ARHGAP21: variants seen among roughly 807,000 people sequenced by gnomAD.
ARHGAP21 encodes Rho GTPase activating protein 21.
ARHGAP21 carries 38 observed loss-of-function variants against 164.6 expected under a neutral mutation model. The observed-to-expected ratio is 0.23, with a 90% CI of 0.18 to 0.30. The LOEUF (loss-of-function observed/expected upper bound fraction) is 0.30, where lower values mean the gene tolerates loss of function less well. Ranked by LOEUF, ARHGAP21 falls within the 10% of genes least tolerant of loss-of-function variation. The pLI is 1.00. For synonymous variants in ARHGAP21, 766 were observed against 857.9 expected (o/e 0.89, Z 1.87); for missense variants, 1,822 against 2,370.7 (o/e 0.77, Z 4.81).
intron 7 of ARHGAP21, among the ~76,000 whole-genome samples, chr10:24,628,854 T>TATATACACATATATACATAC (rs1835435144): frequency 7.5e-6 from 1 of 133,588 alleles, no homozygotes; most frequent in African/African-American, 2.8e-5. Flanking sequence ...CACATACATA[T>TATATACACATATATACATAC]ATATACACAT....
Position 24,589,253 on chromosome 10 carries a change from T to C in ARHGAP21, c.4182+18A>G. On this transcript the variant is annotated intron_variant, in intron 25 of 25. Coordinates refer to ENST00000396432, the MANE Select transcript of ARHGAP21 (RefSeq NM_020824.4). ...CAATTCCCCCCTAAAATATTTCAAA[T>C]TGTATGAAACAATTTACCTTAGATT... is the stretch of plus-strand genomic sequence containing the variant. The C allele has an allele frequency of 6.3e-7, 1 of 1,594,962 alleles. No homozygotes were observed. Among genetic ancestry groups the C allele is most frequent in the Non-Finnish European group, 8.6e-7 (1 of 1,165,072 alleles).
intron 4 of ARHGAP21, among the ~76,000 whole-genome samples, chr10:24,659,010 G>T (rs1420202000): frequency 6.6e-6 from 1 of 152,162 alleles, no homozygotes; most frequent in African/African-American, 2.4e-5. Context: ...CCACTGGGTT[G>T]GCTATAATAC....
intron 3 of ARHGAP21, among the ~76,000 whole-genome samples, chr10:24,668,877 A>C (rs199567242): frequency 3.3e-5 from 5 of 152,182 alleles, no homozygotes; most frequent in Admixed American, 1.3e-4. Flanking sequence ...TGTACTACCT[A>C]TATGTTCATC....
intron 4 of ARHGAP21, among the ~76,000 whole-genome samples, chr10:24,638,457 C>T (rs1422107216): frequency 6.6e-6 from 1 of 152,208 alleles, no homozygotes; most frequent in Non-Finnish European, 1.5e-5. Context: ...CATTCACAAG[C>T]TCTCTCAGGT....
chr10:24,653,527 C>T (rs1040116397), intron 4 of ARHGAP21, among the ~76,000 whole-genome samples: 18 of 151,644 alleles, frequency 1.2e-4, no homozygotes, highest in Non-Finnish European at 1.6e-4. Context: ...GAGCTGAGAT[C>T]GCGCCACTGT....
At chr10:24,627,710 A>C (rs1377256820) in intron 7 of ARHGAP21, among the ~76,000 whole-genome samples, 1 of 152,208 alleles carries the variant, frequency 6.6e-6, no homozygotes. Context: ...AACAAGACAG[A>C]CTATTCTAGA....
rs753057145 is a variant in ARHGAP21, at chr10:24,721,873, C to T, written c.27G>A (p.Leu9=). 11 of 1,614,252 alleles carry T rather than the reference C, an allele frequency of 6.8e-6. No homozygotes were observed. In the South Asian group the frequency reaches 7.7e-5, roughly 11 times the overall value. Residue 9 remains leucine, a synonymous_variant, in exon 2 of 26, where the codon CTG becomes CTA. Coordinates refer to ENST00000396432, the MANE Select transcript of ARHGAP21 (RefSeq NM_020824.4). MMATRRTG[L]SEGDGDKLKA... ...TGAGCTTGTCACCATCTCCCTCAGA[C>T]AGACCAGTCCGACGCGTGGCCATCA... is the stretch of plus-strand genomic sequence containing the variant.
chr10:24,591,488 C>T (rs1389428701), intron 23 of ARHGAP21, 154 bp downstream of exon 23: 2 of 1,132,524 alleles, frequency 1.8e-6, no homozygotes, highest in Non-Finnish European at 2.6e-6. Context: ...AAGCACCGTA[C>T]TTGTATATTC....
Position 24,606,108 on chromosome 10 carries a change from C to CA in ARHGAP21, c.2684+1390dup, listed in dbSNP as rs530477313. On this transcript the variant is annotated intron_variant, in intron 11 of 25. Coordinates refer to ENST00000396432, the MANE Select transcript of ARHGAP21 (RefSeq NM_020824.4). ...TTAATTCCAGATGAGTCAAAGTTTA[C>CA]AAAAAAATAAAAAGTAAACATAAAT... Among the ~76,000 whole-genome samples the CA allele has an allele frequency of 8.3e-4, 126 of 151,192 alleles. 1 individual carries two copies. The highest frequency in any genetic ancestry group is 2.3e-3 in the African/African-American group (95 of 41,112).
At position 24,584,494 on chromosome 10, in the gene ARHGAP21, T is replaced by G. The variant is rs763931278; in HGVS notation, c.5795A>C (p.Asn1932Thr). The change falls in exon 26 of 26, where the codon AAT becomes ACT. Residue 1932 changes from asparagine (N) to threonine (T), a missense_variant. Physicochemically the swap from Asn to Thr is moderately conservative, Grantham distance 65 (BLOSUM62 0). Coordinates refer to ENST00000396432, the MANE Select transcript of ARHGAP21 (RefSeq NM_020824.4). ...NGESFQNVSK[N>T]ASSAANAQPH... is the part of the protein sequence containing the mutation. ...TTGGGCATTCGCTGCAGAACTAGCA[T>G]TTTTGCTCACGTTCTGGAAGCTTTC... 7 of 1,613,932 alleles carry G rather than the reference T, an allele frequency of 4.3e-6. No homozygotes were observed. In the South Asian group the frequency reaches 7.7e-5, roughly 18 times the overall value.
chr10:24,591,173 G>A (rs2076313897), intron 24 of ARHGAP21, 52 bp downstream of exon 24: 6 of 1,401,602 alleles, frequency 4.3e-6, no homozygotes, highest in South Asian at 1.2e-5. Flanking sequence ...CTTTCATATT[G>A]TAAGAATGTA....
intron 13 of ARHGAP21, 126 bp from the exon 14 acceptor site, chr10:24,601,056 G>C: frequency 9.3e-7 from 1 of 1,079,148 alleles, no homozygotes; most frequent in Non-Finnish European, 1.3e-6. Context: ...GGCAGATTTA[G>C]CTCACTACAT....
intron 4 of ARHGAP21, among the ~76,000 whole-genome samples, chr10:24,659,447 C>T (rs917299508): frequency 1.3e-5 from 2 of 152,300 alleles, no homozygotes; most frequent in Non-Finnish European, 2.9e-5. Context: ...TTGCGAGTAG[C>T]TGGGATTACA....
chr10:24,623,030 A>G (rs1834734275), intron 7 of ARHGAP21, among the ~76,000 whole-genome samples: 1 of 152,140 alleles, frequency 6.6e-6, no homozygotes, highest in Admixed American at 6.6e-5. Context: ...CATTCCTAAC[A>G]GATATTTTCT....
chr10:24,665,370 T>C (rs1840088594), intron 4 of ARHGAP21, among the ~76,000 whole-genome samples: 1 of 151,912 alleles, frequency 6.6e-6, no homozygotes, highest in Admixed American at 6.6e-5. Context: ...CCTCAAATGG[T>C]TATTACAAAG....
chr10:24,598,085 T>G (rs1388808033), intron 14 of ARHGAP21, 76 bp from the exon 15 acceptor site: 4 of 1,139,356 alleles, frequency 3.5e-6, no homozygotes, highest in Non-Finnish European at 5.1e-6. Flanking sequence ...GGCTTTCTAT[T>G]GTACTGCTTT....
chr10:24,660,504 C>T (rs1414151074), intron 4 of ARHGAP21, among the ~76,000 whole-genome samples: 1 of 148,882 alleles, frequency 6.7e-6, no homozygotes, highest in African/African-American at 2.5e-5. Context: ...TCTAAACATG[C>T]TTCTGATACC....
chr10:24,666,295 G>A (rs1351963961), intron 4 of ARHGAP21, among the ~76,000 whole-genome samples: 1 of 152,210 alleles, frequency 6.6e-6, no homozygotes, highest in Non-Finnish European at 1.5e-5. Flanking sequence ...CTCCCAAAGT[G>A]CTGGGATTAC....
intron 18 of ARHGAP21, 43 bp from the exon 19 acceptor site, chr10:24,595,838 C>T: frequency 6.3e-7 from 1 of 1,596,092 alleles, no homozygotes; most frequent in East Asian, 2.3e-5. Flanking sequence ...ATATCCAGTT[C>T]CACCAAAGGG....
Sources: gnomAD v4.1 joint callset for allele counts (sites outside exome capture counted in the v4.1 genomes callset) on GRCh38, gnomAD v4.1.1 for gene constraint, MANE v1.5 for transcripts, NCBI Gene and HGNC (gene_info 2026-07-23, HGNC 2026-07-21) for gene names.